Variants in PLAAT3 observed in about 807,000 individuals in gnomAD.
The protein encoded by PLAAT3 is Ca-independent phospholipase A1/2.
A neutral mutation model predicts 16.7 loss-of-function variants in PLAAT3; 21 were observed. That is an observed-to-expected ratio of 1.26 (90% CI 0.89 to 1.81). The LOEUF is 1.81. Ranked by LOEUF, PLAAT3 falls within the 40% of genes most tolerant of loss-of-function variation. PLAAT3 has a pLI of 0.00. For missense variants in PLAAT3, 219 were observed against 213.7 expected (o/e 1.02, Z -0.16); for synonymous variants, 76 against 81.7 (o/e 0.93, Z 0.38).
intron 2 of PLAAT3, among the ~76,000 whole-genome samples, chr11:63,599,027 T>C (rs976981712): frequency 1.1e-4 from 16 of 152,132 alleles, no homozygotes; most frequent in African/African-American, 3.9e-4. Flanking sequence ...TCCCATCCAT[T>C]CAACATTATC....
upstream of PLAAT3, chr11:63,616,691 A>AG (rs1938881669): frequency 1.3e-5 from 2 of 152,262 alleles, no homozygotes; most frequent in South Asian, 4.2e-4. Context: ...AGGAGTAGAG[A>AG]GACCAGTATA....
At chr11:63,576,760 C>A (rs1319673013) in intron 4 of PLAAT3, among the ~76,000 whole-genome samples, 1 of 152,168 alleles carries the variant, frequency 6.6e-6, no homozygotes, top group African/African-American at 2.4e-5. Flanking sequence ...GCATCTCTTT[C>A]CTAACCTATG....
intron 2 of PLAAT3, among the ~76,000 whole-genome samples, chr11:63,609,665 G>A (rs775570984): frequency 7.2e-5 from 11 of 152,190 alleles, no homozygotes; most frequent in Non-Finnish European, 1.3e-4. Flanking sequence ...GGAGGAGGAG[G>A]GATGAACAGC....
intron 4 of PLAAT3, among the ~76,000 whole-genome samples, chr11:63,587,350 A>G (rs1938008367): frequency 1.3e-5 from 2 of 152,166 alleles, no homozygotes; most frequent in Non-Finnish European, 2.9e-5. Context: ...TACAAACAAT[A>G]AAAAATCAGA....
chr11:63,610,593 G>A (rs1938668108), intron 2 of PLAAT3, among the ~76,000 whole-genome samples: 1 of 152,094 alleles, frequency 6.6e-6, no homozygotes, highest in Admixed American at 6.5e-5. Flanking sequence ...TTTAAGAAGG[G>A]TCCTCTTCTC....
intron 2 of PLAAT3, chr11:63,598,636 G>A (rs750166623): frequency 5.1e-5 from 26 of 511,944 alleles, no homozygotes; most frequent in Non-Finnish European, 9.3e-5. Flanking sequence ...TGAACGCCCA[G>A]TTGGCTGATT....
At chr11:63,587,179 C>A (rs1938003350) in intron 4 of PLAAT3, among the ~76,000 whole-genome samples, 1 of 152,070 alleles carries the variant, frequency 6.6e-6, no homozygotes, top group African/African-American at 2.4e-5. Context: ...AATAGGAGTG[C>A]CAGAGAATAC....
chr11:63,592,767 G>A (rs1938185127), intron 3 of PLAAT3, among the ~76,000 whole-genome samples: 1 of 152,154 alleles, frequency 6.6e-6, no homozygotes, highest in Admixed American at 6.5e-5. Context: ...GCAGCTGTGA[G>A]GATTAAAGGG....
rs573368351 is a variant in PLAAT3, at chr11:63,590,443, C to T, written c.119-75G>A. 2.3e-5 allele frequency: 31 copies of T among 1,372,264 alleles called. 1 individual carries two copies. The highest frequency in any genetic ancestry group is 1.4e-4 in the East Asian group (6 of 43,604). 85.0% of individuals were successfully genotyped at this position (1,372,264 alleles called of 1,614,324 possible). A position where few individuals can be genotyped will look rare whatever the true frequency, so the allele number is the denominator to read the frequency against. On this transcript the variant is annotated intron_variant, in intron 3 of 4. Transcript: ENST00000415826. ...CGGAGGCTCAGAGCTGGCCCCCAGC[C>T]GGGCATCTGCCCTTGGCTCATCCAC...
chr11:63,586,134 A>G (rs4060816), intron 4 of PLAAT3, among the ~76,000 whole-genome samples: 107,332 of 151,692 alleles, frequency 0.71, 38,570 homozygotes, highest in East Asian at 0.94. Context: ...GTGTGTGTGC[A>G]CGTGTATGTG....
intron 4 of PLAAT3, among the ~76,000 whole-genome samples, chr11:63,589,393 GTTCTT>G (rs1308172371): frequency 9.5e-6 from 1 of 105,492 alleles, no homozygotes; most frequent in African/African-American, 3.7e-5. Context: ...CCTTCCCAAT[GTTCTT>G]TTCACCTATG....
At chr11:63,591,158 G>A (rs968048366) in intron 3 of PLAAT3, among the ~76,000 whole-genome samples, 1 of 152,168 alleles carries the variant, frequency 6.6e-6, no homozygotes, top group African/African-American at 2.4e-5. Flanking sequence ...AAGGCAGGCA[G>A]ATCGCTTAAG....
chr11:63,615,406 A>ATGTG (rs1187931837), upstream of PLAAT3, among the ~76,000 whole-genome samples: 896 of 7,382 alleles, frequency 0.12, 204 homozygotes, highest in African/African-American at 0.12. Flanking sequence ...ATGTGTGTAT[A>ATGTG]TGTGTGTGTG....
At chr11:63,599,136 C>T (rs1938363089) in intron 2 of PLAAT3, among the ~76,000 whole-genome samples, 1 of 152,190 alleles carries the variant, frequency 6.6e-6, no homozygotes, top group Non-Finnish European at 1.5e-5. Flanking sequence ...GGGTAAAGAA[C>T]TTCTCCAGGC....
upstream of PLAAT3, among the ~76,000 whole-genome samples, chr11:63,615,888 G>A (rs1424924695): frequency 6.6e-6 from 1 of 151,570 alleles, no homozygotes; most frequent in East Asian, 1.9e-4. Context: ...TGCTGGTCAC[G>A]AACTCCTGGC....
At chr11:63,575,423 T>G (rs1368782619) in intron 4 of PLAAT3, among the ~76,000 whole-genome samples, 1 of 152,224 alleles carries the variant, frequency 6.6e-6, no homozygotes, top group Non-Finnish European at 1.5e-5. Flanking sequence ...GAGGAATTGT[T>G]ATTGAGTAGT....
intron 2 of PLAAT3, among the ~76,000 whole-genome samples, chr11:63,604,491 G>C (rs931944983): frequency 6.6e-6 from 1 of 151,506 alleles, no homozygotes; most frequent in Admixed American, 6.6e-5. Context: ...GGCCGGGCGC[G>C]GGGGCTCACA....
At chr11:63,610,606 C>T (rs1375163902) in intron 2 of PLAAT3, among the ~76,000 whole-genome samples, 1 of 152,182 alleles carries the variant, frequency 6.6e-6, no homozygotes, top group African/African-American at 2.4e-5. Context: ...CTCTTCTCTT[C>T]TTCTCTCCCC....
At chr11:63,589,955 C>A in intron 4 of PLAAT3, 145 bp downstream of exon 4, 1 of 300,698 alleles carries the variant, frequency 3.3e-6, no homozygotes, top group Non-Finnish European at 4.9e-6. Context: ...TTGTCCCCAC[C>A]CTTGTCCCAA....
Sources: gnomAD v4.1 joint callset for allele counts (sites outside exome capture counted in the v4.1 genomes callset) on GRCh38, gnomAD v4.1.1 for gene constraint, MANE v1.5 for transcripts, NCBI Gene and HGNC (gene_info 2026-07-23, HGNC 2026-07-21) for gene names.